The following N4BP2 variants were observed in gnomAD, a reference collection of about 807,000 sequenced individuals.
The protein encoded by N4BP2 is NEDD4 binding protein 2.
A neutral mutation model predicts 152.8 loss-of-function variants in N4BP2; 91 were observed. The ratio of observed to expected loss-of-function variants is 0.60; its 90% CI spans 0.50 to 0.71. The LOEUF (loss-of-function observed/expected upper bound fraction) is 0.71. N4BP2 is among the 30% of genes least tolerant of loss of function. The pLI is 0.00. For missense variants in N4BP2, 1,923 were observed against 2,059.1 expected, an observed-to-expected ratio of 0.93 and a Z score of 1.28; for synonymous variants, 646 against 705.3, an observed-to-expected ratio of 0.92 and a Z score of 1.33.
chr4:40,153,479 A>G (rs1385642982), intron 17 of N4BP2, among the ~76,000 whole-genome samples: 1 of 152,236 alleles, frequency 6.6e-6, no homozygotes, highest in African/African-American at 2.4e-5. Flanking sequence ...GTTGACAAAC[A>G]TGAAATGTTC....
chr4:40,140,903 G>T (rs931020709), intron 14 of N4BP2, among the ~76,000 whole-genome samples: 4 of 148,588 alleles, frequency 2.7e-5, no homozygotes, highest in Non-Finnish European at 5.9e-5. Context: ...CACAGGGTTG[G>T]GGGTAAGGTC....
chr4:40,112,280 T>C, intron 6 of N4BP2, 108 bp downstream of exon 6: 1 of 703,392 alleles, frequency 1.4e-6, no homozygotes, highest in South Asian at 1.9e-5. Flanking sequence ...GAACCTTGGA[T>C]AGTCTGTAAA....
chr4:40,147,678 G>A (rs1286701109), intron 16 of N4BP2, among the ~76,000 whole-genome samples: 1 of 150,060 alleles, frequency 6.7e-6, no homozygotes, highest in Non-Finnish European at 1.5e-5. Context: ...GGCCGGGTGG[G>A]GGCTGACCCC....
At chr4:40,112,816 G>T (rs962482286) in intron 6 of N4BP2, among the ~76,000 whole-genome samples, 3 of 151,902 alleles carry the variant, frequency 2.0e-5, no homozygotes, top group Admixed American at 1.3e-4. Context: ...CGATTCTCCT[G>T]CCTCAGAAAC....
At position 40,120,565 on chromosome 4, in the gene N4BP2, G is replaced by A. The variant is rs747353676; in HGVS notation, c.2454G>A (p.Lys818=). 5.6e-6 allele frequency: 9 copies of A among 1,613,972 alleles called. No individual in the cohort carries two copies. In the Admixed American group the frequency reaches 1.3e-4, roughly 24 times the overall value. Residue 818 remains lysine, a synonymous_variant, in exon 9 of 18, where the codon AAG becomes AAA. Coordinates refer to ENST00000261435, the MANE Select transcript of N4BP2 (RefSeq NM_018177.6). ...EKTSSVQSDK[K]YNYPQSHKLV... ...CTTCATCCGTACAAAGCGACAAAAA[G>A]TATAATTACCCTCAGTCACACAAAT... is the stretch of plus-strand genomic sequence containing the variant.
intron 2 of N4BP2, among the ~76,000 whole-genome samples, chr4:40,087,744 G>GC (rs983731775): frequency 7.9e-5 from 12 of 152,122 alleles, no homozygotes; most frequent in African/African-American, 2.7e-4. Context: ...TTTAGGACTG[G>GC]CTTTTTTTTA....
intron 1 of N4BP2, among the ~76,000 whole-genome samples, chr4:40,066,887 A>G (rs1227472501): frequency 6.6e-6 from 1 of 152,006 alleles, no homozygotes; most frequent in Non-Finnish European, 1.5e-5. Flanking sequence ...ATTGGCAACC[A>G]CGATTCTACT....
chr4:40,081,134 A>C (rs1227053404), intron 2 of N4BP2, among the ~76,000 whole-genome samples: 2 of 152,150 alleles, frequency 1.3e-5, no homozygotes, highest in African/African-American at 2.4e-5. Flanking sequence ...TTAATTTATA[A>C]TAATGATTTT....
At chr4:40,086,131 A>ATTTT (rs59899449) in intron 2 of N4BP2, among the ~76,000 whole-genome samples, 1 of 130,236 alleles carries the variant, frequency 7.7e-6, no homozygotes, top group Non-Finnish European at 1.6e-5. Flanking sequence ...TGCCCGGCTA[A>ATTTT]TTTTTTTTTT....
chr4:40,137,445 C>T lies in N4BP2; in HGVS notation c.4785+363C>T, dbSNP rs140004913. On this transcript the variant is annotated intron_variant, in intron 14 of 17. Coordinates refer to ENST00000261435, the MANE Select transcript of N4BP2 (RefSeq NM_018177.6). ...TGCCAAATTTTTTCCCAAAGTGGCT[C>T]TACCATTTTATATTTCCACTAGAAC... Among the ~76,000 whole-genome samples, 1,230 of 152,266 alleles carry T rather than the reference C, an allele frequency of 8.1e-3. 8 individuals carry two copies. The highest frequency in any genetic ancestry group is 0.044 in the Middle Eastern group (13 of 294).
intron 12 of N4BP2, among the ~76,000 whole-genome samples, chr4:40,128,371 A>G (rs1718614553): frequency 6.6e-6 from 1 of 152,182 alleles, no homozygotes; most frequent in African/African-American, 2.4e-5. Context: ...TTTTAAATTT[A>G]TCTTGGTTAA....
At position 40,121,317 on chromosome 4, in the gene N4BP2, G is replaced by C. The variant is rs763425200; in HGVS notation, c.3206G>C (p.Arg1069Thr). The C allele has an allele frequency of 1.9e-6, 3 of 1,613,966 alleles. No individual in the cohort carries two copies. Among genetic ancestry groups the C allele is most frequent in the East Asian group, 2.2e-5 (1 of 44,874 alleles). Reference sequence around the variant, plus strand: ...GACGTTCAAGAAGCAATTCCATATAGAGTAATGTATGATAAAAGCACGTTT... The same window carrying C: ...GACGTTCAAGAAGCAATTCCATATACAGTAATGTATGATAAAAGCACGTTT... ...KSDVQEAIPY[R>T]VMYDKSTFVE... Residue 1069 changes from arginine to threonine, a missense_variant, in exon 9 of 18, where the codon AGA (arginine) becomes ACA (threonine). Physicochemically the swap from Arg to Thr is moderately conservative, Grantham distance 71 (BLOSUM62 -1). Transcript: ENST00000261435.
At position 40,154,229 on chromosome 4, in the gene N4BP2, C is replaced by A; in HGVS notation, c.5305C>A (p.Leu1769Ile). ...TAAACCAGGGTGCTTGAAAGTCATG[C>A]TAAAGTAAAATAAACATCCTTGAAT... ...EIKPGCLKVMLK is the reference protein window; with the variant it reads ...EIKPGCLKVMIK The change falls in exon 18 of 18, where the codon CTA (leucine) becomes ATA (isoleucine). Residue 1769 changes from leucine (L) to isoleucine (I), a missense_variant. Transcript: ENST00000261435. 6.3e-7 allele frequency: 1 copy of A among 1,595,648 alleles called. No individual in the cohort carries two copies. Among genetic ancestry groups the A allele is most frequent in the Non-Finnish European group, 8.5e-7 (1 of 1,170,394 alleles).
At chr4:40,107,103 T>G in intron 5 of N4BP2, 79 bp downstream of exon 5, 1 of 1,497,658 alleles carries the variant, frequency 6.7e-7, no homozygotes, top group South Asian at 1.2e-5. Context: ...GTTTGTGTGT[T>G]TGTTTTTGTT....
the N4BP2 span, among the ~76,000 whole-genome samples, chr4:40,185,618 A>C: frequency 1.6e-3 from 248 of 152,270 alleles, no homozygotes; most frequent in Admixed American, 3.5e-3. Flanking sequence ...TTGGAAAAAA[A>C]CATTTTAATA....
At chr4:40,061,940 C>G (rs969246872) in intron 1 of N4BP2, among the ~76,000 whole-genome samples, 1 of 152,190 alleles carries the variant, frequency 6.6e-6, no homozygotes, top group African/African-American at 2.4e-5. Context: ...GCTGGGGTTA[C>G]AGGTGTGAAC....
rs1214321350 is a variant in N4BP2, at chr4:40,102,986, G to A, written c.1141G>A (p.Ala381Thr). 6.2e-7 allele frequency: 1 copy of A among 1,614,018 alleles called. No homozygotes were observed. Among genetic ancestry groups the A allele is most frequent in the Non-Finnish European group, 8.5e-7 (1 of 1,180,044 alleles). Residue 381 changes from alanine (A) to threonine (T), a missense_variant, in exon 4 of 18, where the codon GCT (alanine) becomes ACT (threonine). Transcript: ENST00000261435. The stretch of plus-strand genomic sequence containing the variant: ...CTTCCAAGGAAACCATGGCTTTGTA[G>A]CTCCTGTTGTAACCACAGCTGCACA... ...DLFQGNHGFVAPVVTTAAHWR... is the reference protein window; with the variant it reads ...DLFQGNHGFVTPVVTTAAHWR...
the N4BP2 span, among the ~76,000 whole-genome samples, chr4:40,181,363 C>G: frequency 1.3e-5 from 2 of 152,144 alleles, no homozygotes; most frequent in Non-Finnish European, 2.9e-5. Context: ...CCCTTCTTCT[C>G]AAAACATTTT....
chr4:40,121,206 AAAT>A lies in N4BP2; in HGVS notation c.3096_3098del (p.Lys1032_Ile1033delinsAsn), dbSNP rs1303967862. The A allele has an allele frequency of 3.7e-6, 6 of 1,613,860 alleles. No homozygotes were observed. Among genetic ancestry groups the A allele is most frequent in the Non-Finnish European group, 5.1e-6 (6 of 1,180,006 alleles). ...CTTTTATGGAAAATAGAAAAGAATAAAATTAGCATTTCAGATTCTATCAAAGTA... is the reference window on the plus strand; with the variant it reads ...CTTTTATGGAAAATAGAAAAGAATAATAGCATTTCAGATTCTATCAAAGTA... On this transcript the variant is annotated inframe_deletion, in exon 9 of 18. Transcript: ENST00000261435.
Sources: gnomAD v4.1 joint callset for allele counts (sites outside exome capture counted in the v4.1 genomes callset) on GRCh38, gnomAD v4.1.1 for gene constraint, MANE v1.5 for transcripts, NCBI Gene and HGNC (gene_info 2026-07-23, HGNC 2026-07-21) for gene names.